Variants in CADM2 observed in about 807,000 individuals in gnomAD.
CADM2 encodes the protein cell adhesion molecule 2.
Under a neutral mutation model 49.8 loss-of-function variants are expected in CADM2, and 12 were observed. The observed-to-expected ratio is 0.24, with a 90% CI of 0.15 to 0.39. The LOEUF is 0.39. CADM2 is among the 10% of genes least tolerant of loss of function. The pLI is 1.00. For synonymous variants in CADM2, 214 were observed against 175.4 expected, an observed-to-expected ratio of 1.22 and a Z score of -1.74; for missense variants, 378 against 492.3, an observed-to-expected ratio of 0.77 and a Z score of 2.20.
chr3:85,258,705 T>A (rs1307833784), intron 1 of CADM2, among the ~76,000 whole-genome samples: 1 of 152,132 alleles, frequency 6.6e-6, no homozygotes, highest in African/African-American at 2.4e-5. Flanking sequence ...TTATTTTATC[T>A]AACACTTTAG....
At chr3:85,656,919 A>C (rs1406957010) in intron 1 of CADM2, among the ~76,000 whole-genome samples, 1 of 152,144 alleles carries the variant, frequency 6.6e-6, no homozygotes, top group Non-Finnish European at 1.5e-5. Flanking sequence ...CAGTCTACCC[A>C]GTCTGGTCTT....
chr3:85,355,744 G>A (rs2031803982), intron 1 of CADM2, among the ~76,000 whole-genome samples: 1 of 152,138 alleles, frequency 6.6e-6, no homozygotes, highest in Non-Finnish European at 1.5e-5. Context: ...ATTTTAGCAA[G>A]TGGCAATATC....
chr3:85,291,376 C>A (rs1033432142), intron 1 of CADM2, among the ~76,000 whole-genome samples: 3 of 151,242 alleles, frequency 2.0e-5, no homozygotes, highest in Non-Finnish European at 4.4e-5. Flanking sequence ...AGGATATTAT[C>A]CATGAGAACT....
At chr3:85,745,883 G>GT (rs962310427) in intron 2 of CADM2, among the ~76,000 whole-genome samples, 17 of 151,414 alleles carry the variant, frequency 1.1e-4, no homozygotes, top group Admixed American at 2.6e-4. Context: ...TTTTGCCTAT[G>GT]TTTTTTTTCT....
chr3:85,830,847 T>C (rs1314614106), intron 3 of CADM2, among the ~76,000 whole-genome samples: 1 of 137,540 alleles, frequency 7.3e-6, no homozygotes, highest in African/African-American at 2.6e-5. Context: ...ATTTATAAAC[T>C]TCTATTACAG....
At chr3:85,552,078 T>A (rs1344571115) in intron 1 of CADM2, among the ~76,000 whole-genome samples, 6 of 152,038 alleles carry the variant, frequency 3.9e-5, no homozygotes, top group African/African-American at 1.4e-4. Context: ...GATTCCTGAG[T>A]AGAAAAGGGG....
At chr3:85,413,407 C>T (rs2035766678) in intron 1 of CADM2, among the ~76,000 whole-genome samples, 1 of 151,976 alleles carries the variant, frequency 6.6e-6, no homozygotes, top group Non-Finnish European at 1.5e-5. Context: ...TTGATGCATA[C>T]ATGTTGATAT....
rs2061270952 is a variant in CADM2 at position 85,530,321 on chromosome 3, C to CTTTTTTTTT, written c.62-196201_62-196200insTTTTTTTTT. 3.4e-5 allele frequency among the ~76,000 whole-genome samples: 4 copies of CTTTTTTTTT among 119,058 alleles called. 2 individuals are homozygous for CTTTTTTTTT. The highest frequency in any genetic ancestry group is 3.2e-5 in the Non-Finnish European group (2 of 62,104). 78.1% of individuals were successfully genotyped at this position (119,058 alleles called of 152,430 possible). A position where few individuals can be genotyped will look rare whatever the true frequency, so the allele number is the denominator to read the frequency against. ...GTGAGTCAGTTAGACTTCTTTTCTC[C>CTTTTTTTTT]GTTTTTTTTTTTTTTTTTTTTTTTT... On this transcript the variant is annotated intron_variant, in intron 1 of 9. Transcript: ENST00000383699.
At chr3:85,381,763 C>T (rs1372923714) in intron 1 of CADM2, among the ~76,000 whole-genome samples, 1 of 152,052 alleles carries the variant, frequency 6.6e-6, no homozygotes, top group Admixed American at 6.6e-5. Context: ...AGCAGGGCTG[C>T]AGGATGTGGG....
chr3:85,960,569 C>CT (rs1211666322), intron 7 of CADM2, among the ~76,000 whole-genome samples: 5 of 151,956 alleles, frequency 3.3e-5, no homozygotes, highest in African/African-American at 1.2e-4. Flanking sequence ...TCAAAGTGTT[C>CT]TTTTGAGAAT....
At chr3:84,996,664 G>T (rs911923895) in intron 1 of CADM2, among the ~76,000 whole-genome samples, 3 of 151,902 alleles carry the variant, frequency 2.0e-5, no homozygotes, top group Non-Finnish European at 4.4e-5. Context: ...TTTAATAAAA[G>T]GCACATTGCC....
At position 85,739,067 on chromosome 3, in the gene CADM2, C is replaced by T. The variant is rs954451755; in HGVS notation, c.88+12519C>T. ...AAAATTTAATTTTGGCAAAAAATTACCCCAGGAAAATAAACATCACCATTT... is the reference window on the plus strand; with the variant it reads ...AAAATTTAATTTTGGCAAAAAATTATCCCAGGAAAATAAACATCACCATTT... On this transcript the variant is annotated intron_variant, in intron 2 of 9. Transcript: ENST00000383699. Among the ~76,000 whole-genome samples, 7 of 152,086 alleles carry T rather than the reference C, an allele frequency of 4.6e-5. 1 individual carries two copies. The South Asian group carries it at 1.5e-3, about 32-fold the overall frequency.
chr3:85,565,591 C>A (rs1023841026), intron 1 of CADM2, among the ~76,000 whole-genome samples: 7 of 152,074 alleles, frequency 4.6e-5, no homozygotes, highest in African/African-American at 1.7e-4. Flanking sequence ...TAACAATGCT[C>A]ATATCTCTCT....
At chr3:85,668,925 A>T (rs1231597599) in intron 1 of CADM2, among the ~76,000 whole-genome samples, 1 of 152,158 alleles carries the variant, frequency 6.6e-6, no homozygotes, top group South Asian at 2.1e-4. Flanking sequence ...AGAAATGAAT[A>T]TGGATTTCAT....
chr3:85,367,983 A>C (rs1348083845), intron 1 of CADM2, among the ~76,000 whole-genome samples: 1 of 152,084 alleles, frequency 6.6e-6, no homozygotes, highest in African/African-American at 2.4e-5. Flanking sequence ...TCTCATTTCA[A>C]TCTTGGGGGA....
intron 1 of CADM2, among the ~76,000 whole-genome samples, chr3:85,672,318 G>A (rs1317919854): frequency 2.7e-5 from 4 of 149,332 alleles, no homozygotes; most frequent in Admixed American, 6.8e-5. Context: ...TCAGCCTCCC[G>A]AGTAGCTGGG....
At chr3:85,576,661 G>C (rs1333202207) in intron 1 of CADM2, among the ~76,000 whole-genome samples, 1 of 151,818 alleles carries the variant, frequency 6.6e-6, no homozygotes, top group South Asian at 2.1e-4. Flanking sequence ...TATTCATTTG[G>C]AGTTAATGTT....
chr3:85,294,969 A>G (rs903506597), intron 1 of CADM2, among the ~76,000 whole-genome samples: 5 of 152,212 alleles, frequency 3.3e-5, no homozygotes, highest in East Asian at 1.9e-4. Flanking sequence ...GAGCTTCTGC[A>G]CAGCAAAAGA....
rs2036798333 is a variant in CADM2 at position 85,072,655 on chromosome 3, A to C, written c.61+112987A>C. 7.2e-5 allele frequency among the ~76,000 whole-genome samples: 11 copies of C among 152,232 alleles called. No homozygotes were observed. The South Asian group carries it at 2.1e-3, about 29-fold the overall frequency. On this transcript the variant is annotated intron_variant, in intron 1 of 9. Transcript: ENST00000383699. ...GTGGCTTTGTGCATAAAACAGAAATACATTTAAAAGACATAGTCTCTTTTC... is the reference window on the plus strand; with the variant it reads ...GTGGCTTTGTGCATAAAACAGAAATCCATTTAAAAGACATAGTCTCTTTTC...
Sources: gnomAD v4.1 joint callset for allele counts (sites outside exome capture counted in the v4.1 genomes callset) on GRCh38, gnomAD v4.1.1 for gene constraint, MANE v1.5 for transcripts, NCBI Gene and HGNC (gene_info 2026-07-23, HGNC 2026-07-21) for gene names.